The following SPIDR variants were observed in gnomAD, a reference collection of about 807,000 sequenced individuals.
SPIDR encodes scaffold protein involved in DNA repair, also known as DNA repair-scaffolding protein.
SPIDR carries 93 observed loss-of-function variants against 104.6 expected under a neutral mutation model. The observed-to-expected ratio is 0.89, with a 90% CI of 0.75 to 1.06. The LOEUF is 1.06. Among genes scored for constraint, SPIDR ranks in the 50% least tolerant of loss-of-function variants. SPIDR has a pLI of 0.00. For synonymous variants in SPIDR, 431 were observed against 416.9 expected (o/e 1.03, Z -0.41); for missense variants, 1,154 against 1,111.2 (o/e 1.04, Z -0.55).
intron 8 of SPIDR, among the ~76,000 whole-genome samples, chr8:47,581,888 G>A (rs1396419459): frequency 6.6e-6 from 1 of 152,134 alleles, no homozygotes; most frequent in African/African-American, 2.4e-5. Context: ...TTCCTTGACA[G>A]TAAACAAGCA....
intron 5 of SPIDR, among the ~76,000 whole-genome samples, chr8:47,350,879 TA>T (rs1451865965): frequency 6.6e-6 from 1 of 152,166 alleles, no homozygotes; most frequent in Admixed American, 6.5e-5. Context: ...CTGAAAGTAT[TA>T]AATGGAAAAT....
At chr8:47,461,701 T>C (rs555696719) in intron 8 of SPIDR, among the ~76,000 whole-genome samples, 24 of 152,240 alleles carry the variant, frequency 1.6e-4, no homozygotes, top group African/African-American at 5.5e-4. Context: ...TTCTTCTGCT[T>C]GTTCAGTTTT....
At chr8:47,345,980 G>A (rs2051907967) in intron 5 of SPIDR, among the ~76,000 whole-genome samples, 1 of 152,114 alleles carries the variant, frequency 6.6e-6, no homozygotes, top group Admixed American at 6.5e-5. Context: ...GATTGCCGTG[G>A]CCAGAATTTC....
intron 8 of SPIDR, among the ~76,000 whole-genome samples, chr8:47,501,123 C>T (rs1421738348): frequency 5.9e-5 from 9 of 152,054 alleles, no homozygotes; most frequent in Non-Finnish European, 1.2e-4. Flanking sequence ...CTTGGGGATC[C>T]GGACTCTTTT....
chr8:47,674,786 T>C (rs566356403), intron 11 of SPIDR, among the ~76,000 whole-genome samples: 21 of 152,162 alleles, frequency 1.4e-4, no homozygotes, highest in Non-Finnish European at 2.8e-4. Context: ...AAATGGTGAA[T>C]GTTTAGTGAG....
intron 8 of SPIDR, among the ~76,000 whole-genome samples, chr8:47,501,252 A>T (rs902002460): frequency 9.2e-5 from 14 of 152,320 alleles, no homozygotes; most frequent in African/African-American, 2.6e-4. Context: ...CATTTTCACA[A>T]TATTGATTCT....
At chr8:47,359,683 A>G (rs1348939712) in intron 5 of SPIDR, among the ~76,000 whole-genome samples, 1 of 152,206 alleles carries the variant, frequency 6.6e-6, no homozygotes, top group Non-Finnish European at 1.5e-5. Flanking sequence ...TATAGCGGGT[A>G]GAGAGCATCC....
At chr8:47,414,921 T>C (rs1443670685) in intron 7 of SPIDR, among the ~76,000 whole-genome samples, 8 of 152,338 alleles carry the variant, frequency 5.3e-5, no homozygotes, top group Middle Eastern at 3.4e-3. Flanking sequence ...TTTTTTTCTT[T>C]GAGGCAGAGT....
chr8:47,517,818 T>TTTGAGGGTATCA (rs1322053934), intron 8 of SPIDR, among the ~76,000 whole-genome samples: 2 of 152,236 alleles, frequency 1.3e-5, no homozygotes, highest in African/African-American at 4.8e-5. Flanking sequence ...TGATGTATCA[T>TTTGAGGGTATCA]TTGAGGGTAG....
chr8:47,690,227 C>T (rs965444969), intron 11 of SPIDR, among the ~76,000 whole-genome samples: 6 of 151,826 alleles, frequency 4.0e-5, no homozygotes, highest in Non-Finnish European at 5.9e-5. Flanking sequence ...CAGATAGCAA[C>T]ATGTTTCAGG....
At chr8:47,331,496 A>G (rs1472630363) in intron 5 of SPIDR, among the ~76,000 whole-genome samples, 1 of 152,212 alleles carries the variant, frequency 6.6e-6, no homozygotes, top group Non-Finnish European at 1.5e-5. Flanking sequence ...GAAAAGGTAC[A>G]TTATAATATG....
chr8:47,706,153 G>T (rs1299779286), intron 14 of SPIDR, among the ~76,000 whole-genome samples: 1 of 152,144 alleles, frequency 6.6e-6, no homozygotes, highest in Non-Finnish European at 1.5e-5. Context: ...AGAACTTTGG[G>T]AGGCCAAGGC....
In SPIDR at chr8:47,599,204, C is replaced by T; in HGVS notation, c.1544+8C>T. ...AGACCCAGCTGGAACTCGGTGAGTG[C>T]CAAGATGCTGGTGTGGGGCAGAGGT... On this transcript the variant is annotated splice_region_variant and intron_variant, in intron 10 of 19. Coordinates refer to ENST00000297423, the MANE Select transcript of SPIDR (RefSeq NM_001080394.4). The T allele has an allele frequency of 6.2e-7, 1 of 1,612,360 alleles. No individual in the cohort carries two copies. Among genetic ancestry groups the T allele is most frequent in the Non-Finnish European group, 8.5e-7 (1 of 1,179,238 alleles).
chr8:47,421,571 C>T (rs1341527648), intron 7 of SPIDR, among the ~76,000 whole-genome samples: 5 of 152,146 alleles, frequency 3.3e-5, no homozygotes, highest in Non-Finnish European at 5.9e-5. Context: ...TGCTTTAGCT[C>T]GGAGTAGTTT....
intron 8 of SPIDR, among the ~76,000 whole-genome samples, chr8:47,552,449 G>A (rs1413569381): frequency 2.0e-5 from 3 of 152,132 alleles, no homozygotes; most frequent in African/African-American, 2.4e-5. Flanking sequence ...ATGAATCTGG[G>A]TGCTCCTGTA....
intron 5 of SPIDR, among the ~76,000 whole-genome samples, chr8:47,321,432 A>C (rs553122114): frequency 6.6e-6 from 1 of 152,308 alleles, no homozygotes; most frequent in African/African-American, 2.4e-5. Flanking sequence ...CCACTGCTCA[A>C]TGAAATAAAA....
intron 5 of SPIDR, among the ~76,000 whole-genome samples, chr8:47,339,970 C>A (rs921338001): frequency 6.6e-6 from 1 of 152,114 alleles, no homozygotes; most frequent in Non-Finnish European, 1.5e-5. Flanking sequence ...TGAGCCACCG[C>A]GCCTGGACTG....
chr8:47,532,843 T>C (rs1333739176), intron 8 of SPIDR, among the ~76,000 whole-genome samples: 1 of 152,212 alleles, frequency 6.6e-6, no homozygotes, highest in Non-Finnish European at 1.5e-5. Context: ...CTTCTCAAGC[T>C]CATGCAAAAC....
At chr8:47,493,038 AGTGAGTGT>A (rs1429584601) in intron 8 of SPIDR, among the ~76,000 whole-genome samples, 2 of 64,810 alleles carry the variant, frequency 3.1e-5, no homozygotes, top group African/African-American at 1.5e-4. Flanking sequence ...AGAGAGAGAG[AGTGAGTGT>A]GTGTGTGTGT....
Sources: allele counts gnomAD v4.1 joint callset (sites outside exome capture counted in the v4.1 genomes callset), GRCh38; gene constraint gnomAD v4.1.1; transcripts MANE v1.5; gene names NCBI Gene and HGNC (gene_info 2026-07-23, HGNC 2026-07-21).